BRD4: variants seen among roughly 807,000 people sequenced by gnomAD.
BRD4 encodes the protein bromodomain-containing protein 4.
BRD4 carries 16 observed loss-of-function variants against 142.1 expected under a neutral mutation model. The observed-to-expected ratio is 0.11, with a 90% CI of 0.08 to 0.17. BRD4 has a LOEUF of 0.17. Ranked by LOEUF, BRD4 falls within the 10% of genes least tolerant of loss-of-function variation. The pLI is 1.00. For synonymous variants in BRD4, 833 were observed against 707.5 expected (o/e 1.18, Z -2.82); for missense variants, 1,424 against 1,810.9 (o/e 0.79, Z 3.88).
At chr19:15,323,471 C>G (rs1359880965) in intron 1 of BRD4, among the ~76,000 whole-genome samples, 1 of 152,124 alleles carries the variant, frequency 6.6e-6, no homozygotes, top group Non-Finnish European at 1.5e-5. Context: ...TATGTTTCCT[C>G]AAACAGCATG....
intron 1 of BRD4, among the ~76,000 whole-genome samples, chr19:15,314,941 G>A (rs8111103): frequency 3.3e-5 from 5 of 152,184 alleles, no homozygotes; most frequent in South Asian, 2.1e-4. Flanking sequence ...TCAAATGAAC[G>A]GAATGAGGCA....
rs145778731 is a variant in BRD4, at chr19:15,323,749, T to TA, written c.-35+8540dup. Among the ~76,000 whole-genome samples, 119 of 152,190 alleles carry TA rather than the reference T, an allele frequency of 7.8e-4. 2 individuals are homozygous for TA. In the East Asian group the frequency reaches 0.022, roughly 28 times the overall value. ...CTGACTAACAGCAGCTAGGAACAAA[T>TA]AAAGAGTTTCAGCCTTGAGTGGAGA... is the stretch of plus-strand genomic sequence containing the variant. On this transcript the variant is annotated intron_variant, in intron 1 of 19. Transcript: ENST00000679869.
At chr19:15,254,298 C>A (rs201452775) in intron 10 of BRD4, 36 bp from the exon 11 acceptor site, 71 of 1,584,264 alleles carry the variant, frequency 4.5e-5, no homozygotes, top group Non-Finnish European at 6.0e-5. Flanking sequence ...TCAGGCAGGG[C>A]TGTGGCCCAG....
Position 15,332,528 on chromosome 19 carries a change from C to CGCCGCT in BRD4, c.-274_-273insAGCGGC, listed in dbSNP as rs1367354537. 1.8e-5 allele frequency: 3 copies of CGCCGCT among 164,136 alleles called. No homozygotes were observed. Among genetic ancestry groups the CGCCGCT allele is most frequent in the African/African-American group, 7.5e-5 (3 of 40,132 alleles). 10.2% of individuals were successfully genotyped at this position (164,136 alleles called of 1,614,324 possible). A position where few individuals can be genotyped will look rare whatever the true frequency, so the allele number is the denominator to read the frequency against. ...CCGCCGCCGCCGCCGCCGCCGCCGC[C>CGCCGCT]GCCAGCGCACTGACGTCACCGCGCA... On this transcript the variant is annotated 5_prime_UTR_variant, in exon 1 of 20. Coordinates refer to ENST00000679869, the MANE Select transcript of BRD4 (RefSeq NM_001379291.1).
rs61069453 is a variant in BRD4 at position 15,238,507 on chromosome 19, C to T, written c.4021-62G>A. 1.9e-6 allele frequency: 3 copies of T among 1,610,746 alleles called. No homozygotes were observed. Among genetic ancestry groups the T allele is most frequent in the East Asian group, 2.2e-5 (1 of 44,854 alleles). Reference sequence around the variant, plus strand: ...CCTAGCCACCCTGCAGCTACAAGCCCTCATACCCGCTACCAGCAGTCAGCC... The same window carrying T: ...CCTAGCCACCCTGCAGCTACAAGCCTTCATACCCGCTACCAGCAGTCAGCC... On this transcript the variant is annotated intron_variant, in intron 19 of 19. Coordinates refer to ENST00000679869, the MANE Select transcript of BRD4 (RefSeq NM_001379291.1). The surrounding 1 kb of genome is among the most constrained non-coding windows in gnomAD (Gnocchi z 7.2).
chr19:15,285,599 A>C (rs957625608), intron 1 of BRD4, among the ~76,000 whole-genome samples: 5 of 152,218 alleles, frequency 3.3e-5, no homozygotes, highest in African/African-American at 1.2e-4. Context: ...ATGTAGAAAT[A>C]AGGTGCATCA....
rs145357366 is a variant in BRD4, at chr19:15,298,341, T to TA, written c.-34-25209dup. Among the ~76,000 whole-genome samples the TA allele has an allele frequency of 1.4e-3, 206 of 152,244 alleles. 5 individuals are homozygous for TA. In the East Asian group the frequency reaches 0.037, roughly 27 times the overall value. On this transcript the variant is annotated intron_variant, in intron 1 of 19. Transcript: ENST00000679869. ...AAATGCTTTCTTTGCATTCTTAATATAAAAGCTTGTGGTTGGCCGGGCACG... is the reference window on the plus strand; with the variant it reads ...AAATGCTTTCTTTGCATTCTTAATATAAAAAGCTTGTGGTTGGCCGGGCACG...
At chr19:15,317,523 T>C (rs1193510497) in intron 1 of BRD4, among the ~76,000 whole-genome samples, 3 of 152,236 alleles carry the variant, frequency 2.0e-5, no homozygotes, top group South Asian at 2.1e-4. Context: ...AGCCTATTCA[T>C]AGGCAGCTAT....
intron 1 of BRD4, among the ~76,000 whole-genome samples, chr19:15,331,455 G>C (rs1325760244): frequency 6.6e-6 from 1 of 152,202 alleles, no homozygotes; most frequent in East Asian, 1.9e-4. Flanking sequence ...ATAGGCCGTT[G>C]CAAGGACGCC....
chr19:15,321,274 G>T (rs2048059393), intron 1 of BRD4, among the ~76,000 whole-genome samples: 1 of 150,712 alleles, frequency 6.6e-6, no homozygotes, highest in Admixed American at 6.7e-5. Context: ...AAAGAAAAAA[G>T]AAAAAGAGAA....
intron 11 of BRD4, chr19:15,253,846 G>T: frequency 7.2e-7 from 1 of 1,394,900 alleles, no homozygotes; most frequent in Non-Finnish European, 9.8e-7. Context: ...AGTCCTCATG[G>T]CCCAGCTTCC....
At chr19:15,243,728 A>C (rs1000166241) in intron 13 of BRD4, among the ~76,000 whole-genome samples, 2 of 152,050 alleles carry the variant, frequency 1.3e-5, no homozygotes, top group Admixed American at 6.5e-5. Context: ...CCTGCTCCCC[A>C]TGCTCACAAT....
Position 15,273,077 on chromosome 19 carries a change from C to T in BRD4, c.23G>A (p.Gly8Glu). Residue 8 changes from glycine to glutamate, a missense_variant, in exon 2 of 20, where the codon GGG becomes GAG. Gly to Glu is a moderately conservative substitution (Grantham distance 98, BLOSUM62 -2). Coordinates refer to ENST00000679869, the MANE Select transcript of BRD4 (RefSeq NM_001379291.1). MSAESGP[G>E]TRLRNLPVMG... ...TACTGGCAGATTTCTCAATCTCGTC[C>T]CAGGGCCGCTCTCCGCAGACATGCT... The T allele has an allele frequency of 6.2e-7, 1 of 1,603,402 alleles. No individual in the cohort carries two copies. Among genetic ancestry groups the T allele is most frequent in the Non-Finnish European group, 8.5e-7 (1 of 1,173,668 alleles).
chr19:15,245,907 C>T (rs749105653), intron 11 of BRD4, among the ~76,000 whole-genome samples: 3 of 152,194 alleles, frequency 2.0e-5, no homozygotes, highest in Non-Finnish European at 4.4e-5. Flanking sequence ...CAGGCTCCTT[C>T]CACTTGGATC....
At chr19:15,255,208 G>A in intron 10 of BRD4, 89 bp downstream of exon 10, 6 of 1,291,432 alleles carry the variant, frequency 4.6e-6, no homozygotes, top group Non-Finnish European at 5.3e-6. Flanking sequence ...AAGGGGGGGG[G>A]CGCAGAAAGA....
intron 1 of BRD4, among the ~76,000 whole-genome samples, chr19:15,313,617 A>G (rs1599520163): frequency 6.6e-6 from 1 of 150,962 alleles, no homozygotes; most frequent in Non-Finnish European, 1.5e-5. Context: ...CGGAGGTTGC[A>G]GTGAGCCGAG....
At chr19:15,315,845 C>CA (rs1049107635) in intron 1 of BRD4, among the ~76,000 whole-genome samples, 9 of 146,568 alleles carry the variant, frequency 6.1e-5, no homozygotes, top group Non-Finnish European at 1.2e-4. Flanking sequence ...GACTCTGTCT[C>CA]AAAAAAAAGC....
chr19:15,263,429 G>A lies in BRD4; in HGVS notation c.1332C>T (p.Arg444=), dbSNP rs2047496120. The change falls in exon 7 of 20, where the codon CGC becomes CGT. Residue 444 remains arginine, a synonymous_variant. Transcript: ENST00000679869. ...CCCTCCCAAGCCTCACCTGGAGCTTGCGGGCCATGGCCACCACCTCATGGT... is the reference window on the plus strand; with the variant it reads ...CCCTCCCAAGCCTCACCTGGAGCTTACGGGCCATGGCCACCACCTCATGGT... ...PPDHEVVAMA[R]KLQDVFEMRF... The A allele has an allele frequency of 6.2e-7, 1 of 1,614,004 alleles. No individual in the cohort carries two copies. The highest frequency in any genetic ancestry group is 8.5e-7 in the Non-Finnish European group (1 of 1,179,982).
In BRD4 at chr19:15,332,501, AGCCGCCGCCGCC is replaced by A. The variant is rs778524619; in HGVS notation, c.-258_-247del. 3.6e-4 allele frequency: 56 copies of A among 157,018 alleles called. No homozygotes were observed. Among genetic ancestry groups the A allele is most frequent in the Non-Finnish European group, 4.3e-4 (33 of 77,610 alleles). The allele number at this position is 157,018 out of a possible 1,614,324, so 9.7% of individuals were successfully genotyped here. ...TGCGGGAGACCAGAACAAACAGCCCAGCCGCCGCCGCCGCCGCCGCCGCCGCCGCCAGCGCAC... is the reference window on the plus strand; with the variant it reads ...TGCGGGAGACCAGAACAAACAGCCCAGCCGCCGCCGCCGCCGCCAGCGCAC... On this transcript the variant is annotated 5_prime_UTR_variant, in exon 1 of 20. Coordinates refer to ENST00000679869, the MANE Select transcript of BRD4 (RefSeq NM_001379291.1).
Sources: allele counts gnomAD v4.1 joint callset (sites outside exome capture counted in the v4.1 genomes callset), GRCh38; gene constraint gnomAD v4.1.1; non-coding constraint Gnocchi (gnomAD v3.1); transcripts MANE v1.5; gene names NCBI Gene and HGNC (gene_info 2026-07-23, HGNC 2026-07-21).